MARCHF2: variants seen among roughly 807,000 people sequenced by gnomAD.
MARCHF2 encodes the protein E3 ubiquitin-protein ligase MARCHF2.
MARCHF2 carries 22 observed loss-of-function variants against 24.0 expected under a neutral mutation model. That is an observed-to-expected ratio of 0.92 (90% CI 0.66 to 1.31). The LOEUF (loss-of-function observed/expected upper bound fraction) is 1.31. Ranked by LOEUF, MARCHF2 falls within the 50% of genes most tolerant of loss-of-function variation. The probability of loss-of-function intolerance (pLI) is 0.00; values close to 1 mark genes in which losing one functional copy is unlikely to be tolerated. For missense variants in MARCHF2, 301 were observed against 335.3 expected (o/e 0.90, Z 0.80); for synonymous variants, 154 against 153.0 (o/e 1.01, Z -0.05).
intron 3 of MARCHF2, among the ~76,000 whole-genome samples, chr19:8,429,444 C>T (rs891226491): frequency 6.6e-6 from 1 of 151,090 alleles, no homozygotes; most frequent in Non-Finnish European, 1.5e-5. Flanking sequence ...ACAGCAAGAC[C>T]CTGTCTCTAC....
intron 4 of MARCHF2, among the ~76,000 whole-genome samples, chr19:8,434,961 C>T (rs1464994918): frequency 6.6e-6 from 1 of 151,942 alleles, no homozygotes; most frequent in Admixed American, 6.6e-5. Flanking sequence ...CCACCTTGGC[C>T]TTCCAAAATG....
intron 1 of MARCHF2, among the ~76,000 whole-genome samples, chr19:8,421,385 T>TTC (rs1412641635): frequency 6.2e-5 from 8 of 130,002 alleles, no homozygotes; most frequent in Admixed American, 7.3e-5. Flanking sequence ...TTCTTTTCTT[T>TTC]TTTTTTTTTT....
chr19:8,418,184 C>T (rs1476219710), intron 1 of MARCHF2, among the ~76,000 whole-genome samples: 1 of 152,200 alleles, frequency 6.6e-6, no homozygotes, highest in Non-Finnish European at 1.5e-5. Context: ...CCTTTGGCCT[C>T]TGAGCTTAAG....
chr19:8,415,747 AAAAAAAAAC>A (rs1599696425), intron 1 of MARCHF2, among the ~76,000 whole-genome samples: 3 of 143,462 alleles, frequency 2.1e-5, no homozygotes, highest in African/African-American at 7.4e-5. Context: ...AAAAAAACAA[AAAAAAAAAC>A]CAGACAAAAG....
intron 2 of MARCHF2, among the ~76,000 whole-genome samples, chr19:8,426,044 G>A (rs1295562884): frequency 3.3e-5 from 5 of 150,668 alleles, no homozygotes; most frequent in South Asian, 4.3e-4. Context: ...TGGCTAACAC[G>A]GTGAAACCCC....
At chr19:8,433,690 AAAAG>A in intron 4 of MARCHF2, among the ~76,000 whole-genome samples, 5 of 150,196 alleles carry the variant, frequency 3.3e-5, no homozygotes, top group African/African-American at 4.9e-5. Context: ...AAAAAAAAAA[AAAAG>A]AAAAGAAAAG....
chr19:8,413,563 TC>T (rs1262220306), intron 1 of MARCHF2, 143 bp downstream of exon 1: 1 of 151,964 alleles, frequency 6.6e-6, no homozygotes, highest in Non-Finnish European at 1.5e-5. Flanking sequence ...GGACCTCAGT[TC>T]CCGTGTCAAG....
At chr19:8,436,127 C>T (rs1261272215) in intron 4 of MARCHF2, among the ~76,000 whole-genome samples, 1 of 151,636 alleles carries the variant, frequency 6.6e-6, no homozygotes, top group African/African-American at 2.4e-5. Context: ...TGTATAATGA[C>T]ATGTATTCAC....
chr19:8,425,677 T>C (rs573949891), intron 2 of MARCHF2, among the ~76,000 whole-genome samples: 3 of 150,606 alleles, frequency 2.0e-5, no homozygotes, highest in African/African-American at 4.9e-5. Flanking sequence ...AGTGCAGTGG[T>C]GTAATCTCGG....
At chr19:8,427,471 G>C (rs1967437350) in intron 3 of MARCHF2, among the ~76,000 whole-genome samples, 1 of 149,640 alleles carries the variant, frequency 6.7e-6, no homozygotes, top group Admixed American at 6.7e-5. Flanking sequence ...TTAAAGTCCA[G>C]TAACTTTAAT....
chr19:8,421,581 C>T (rs1967244878), intron 1 of MARCHF2, among the ~76,000 whole-genome samples: 1 of 152,104 alleles, frequency 6.6e-6, no homozygotes, highest in Non-Finnish European at 1.5e-5. Context: ...CAAGCTCCTG[C>T]TGTATACCAG....
chr19:8,421,205 T>G (rs1188719394), intron 1 of MARCHF2, among the ~76,000 whole-genome samples: 1 of 150,068 alleles, frequency 6.7e-6, no homozygotes, highest in Non-Finnish European at 1.5e-5. Context: ...TCACTGTAAC[T>G]TCCCCCTCCT....
Position 8,415,732 on chromosome 19 carries a change from A to AC in MARCHF2, c.-53+2312_-53+2313insC, listed in dbSNP as rs1159906300. 3.9e-4 allele frequency among the ~76,000 whole-genome samples: 32 copies of AC among 81,140 alleles called. 1 individual carries two copies. Among genetic ancestry groups the AC allele is most frequent in the African/African-American group, 1.2e-3 (28 of 23,112 alleles). 53.2% of individuals were successfully genotyped at this position (81,140 alleles called of 152,430 possible). A position where few individuals can be genotyped will look rare whatever the true frequency, so the allele number is the denominator to read the frequency against. The stretch of plus-strand genomic sequence containing the variant: ...GTGAAACTCCATCTCAAAAAAAAAA[A>AC]AACAAAAAAAACAAAAAAAAAAACC... On this transcript the variant is annotated intron_variant, in intron 1 of 4. Transcript: ENST00000215555.
rs754204962 is a variant in MARCHF2 at position 8,438,460 on chromosome 19, C to T, written c.655C>T (p.Arg219Trp). The change falls in exon 5 of 5, where the codon CGG becomes TGG. Residue 219 changes from arginine (R) to tryptophan (W), a missense_variant. Transcript: ENST00000215555. ...CAACCAGAAAGTTCGCCTGAAGATC[C>T]GGGAGGCGGACAGCCCCGAGGGCCC... is the stretch of plus-strand genomic sequence containing the variant. The part of the protein sequence containing the change: ...KTNQKVRLKI[R>W]EADSPEGPQH... The T allele has an allele frequency of 4.3e-6, 7 of 1,614,040 alleles. No homozygotes were observed. Among genetic ancestry groups the T allele is most frequent in the Admixed American group, 3.3e-5 (2 of 59,988 alleles).
intron 2 of MARCHF2, among the ~76,000 whole-genome samples, chr19:8,425,914 T>A (rs1244340225): frequency 6.6e-6 from 1 of 151,314 alleles, no homozygotes; most frequent in African/African-American, 2.4e-5. Context: ...CTCACCCAGC[T>A]GGTCTTTGAG....
intron 1 of MARCHF2, among the ~76,000 whole-genome samples, chr19:8,416,687 C>T (rs1053704640): frequency 2.6e-5 from 4 of 152,088 alleles, no homozygotes; most frequent in African/African-American, 9.7e-5. Context: ...CCACCTCAGC[C>T]TCCTGAGTAG....
chr19:8,430,699 G>C lies in MARCHF2; in HGVS notation c.414G>C (p.Leu138=). The C allele has an allele frequency of 6.2e-7, 1 of 1,610,930 alleles. No individual in the cohort carries two copies. The highest frequency in any genetic ancestry group is 8.5e-7 in the Non-Finnish European group (1 of 1,179,916). ...GGCCGCGGACGGAGAAGCGGACACT[G>C]TGCTGCGACATGGTGTGTTTCCTGT... ...DPGPRTEKRT[L]CCDMVCFLFI... The change falls in exon 4 of 5, where the codon CTG becomes CTC. Residue 138 remains leucine, a synonymous_variant. Coordinates refer to ENST00000215555, the MANE Select transcript of MARCHF2 (RefSeq NM_001005415.2). The surrounding 1 kb of genome is among the most constrained non-coding windows in gnomAD (Gnocchi z 4.4).
chr19:8,413,468 C>G (rs529308972), intron 1 of MARCHF2, 48 bp downstream of exon 1: 1 of 151,986 alleles, frequency 6.6e-6, no homozygotes, highest in Non-Finnish European at 1.5e-5. Context: ...GTCCGCGGGC[C>G]GGCCCCGGGT....
At chr19:8,435,494 C>A (rs575826419) in intron 4 of MARCHF2, among the ~76,000 whole-genome samples, 1 of 152,128 alleles carries the variant, frequency 6.6e-6, no homozygotes, top group Admixed American at 6.6e-5. Flanking sequence ...AATCAGTGAA[C>A]CTTCATTATC....
Sources: allele counts gnomAD v4.1 joint callset (sites outside exome capture counted in the v4.1 genomes callset), GRCh38; gene constraint gnomAD v4.1.1; non-coding constraint Gnocchi (gnomAD v3.1); transcripts MANE v1.5; gene names NCBI Gene and HGNC (gene_info 2026-07-23, HGNC 2026-07-21).